The following UEVLD variants were observed in gnomAD, a reference collection of about 807,000 sequenced individuals.
UEVLD encodes UEV and lactate/malate dehyrogenase domains.
Under a neutral mutation model 58.6 loss-of-function variants are expected in UEVLD, and 47 were observed. The observed-to-expected ratio is 0.80, with a 90% CI of 0.63 to 1.02. UEVLD has a LOEUF of 1.02. UEVLD is among the 50% of genes least tolerant of loss of function. The pLI is 0.00. For missense variants in UEVLD, 510 were observed against 550.6 expected (o/e 0.93, Z 0.74); for synonymous variants, 197 against 195.3 (o/e 1.01, Z -0.07).
chr11:18,543,981 T>C (rs1235958479), intron 9 of UEVLD, among the ~76,000 whole-genome samples: 1 of 152,042 alleles, frequency 6.6e-6, no homozygotes, highest in Non-Finnish European at 1.5e-5. Context: ...GGTTGAAGGG[T>C]GGGAAGAGTA....
chr11:18,531,568 TA>T lies in UEVLD; in HGVS notation c.*751del, dbSNP rs530856525. 1.3e-5 allele frequency: 2 copies of T among 152,316 alleles called. No individual in the cohort carries two copies. The highest frequency in any genetic ancestry group is 4.1e-4 in the South Asian group (2 of 4,824). The allele number at this position is 152,316 out of a possible 1,614,324, so 9.4% of individuals were successfully genotyped here. On this transcript the variant is annotated 3_prime_UTR_variant, in exon 12 of 12. Transcript: ENST00000396197. ...AAGTAAGGTGCTTGGCTTTCATTCATAATCTATTTCCACTAAAAATATATAT... is the reference window on the plus strand; with the variant it reads ...AAGTAAGGTGCTTGGCTTTCATTCATATCTATTTCCACTAAAAATATATAT...
rs142895028 is a variant in UEVLD, at chr11:18,587,432, C to T, written c.42+1181G>A. On this transcript the variant is annotated intron_variant, in intron 1 of 11. Coordinates refer to ENST00000396197, the MANE Select transcript of UEVLD (RefSeq NM_001040697.4). Reference sequence around the variant, plus strand: ...ACCTCCCACGGGTATGTAAACTGCCCCAACAAAGAAAGAGGCAAGTATAAC... The same window carrying T: ...ACCTCCCACGGGTATGTAAACTGCCTCAACAAAGAAAGAGGCAAGTATAAC... Among the ~76,000 whole-genome samples, 207 of 152,226 alleles carry T rather than the reference C, an allele frequency of 1.4e-3. 1 individual carries two copies. The highest frequency in any genetic ancestry group is 4.5e-3 in the African/African-American group (188 of 41,512).
At chr11:18,541,951 C>T (rs1331455668) in intron 9 of UEVLD, among the ~76,000 whole-genome samples, 1 of 152,082 alleles carries the variant, frequency 6.6e-6, no homozygotes, top group Non-Finnish European at 1.5e-5. Context: ...CTCCCTAAAA[C>T]AAAATGTAAT....
chr11:18,570,484 G>T, intron 3 of UEVLD, 107 bp from the exon 4 acceptor site: 1 of 1,090,332 alleles, frequency 9.2e-7, no homozygotes, highest in Non-Finnish European at 1.2e-6. Context: ...GGTGGCTGAA[G>T]CCTGTAATCC....
intron 1 of UEVLD, among the ~76,000 whole-genome samples, chr11:18,585,445 G>A (rs909337186): frequency 1.3e-5 from 2 of 151,676 alleles, no homozygotes; most frequent in Non-Finnish European, 2.9e-5. Flanking sequence ...TTCTCCTTTC[G>A]CCATTTATCT....
rs1051939766 is a variant in UEVLD at position 18,583,411 on chromosome 11, G to T, written c.43-4603C>A. On this transcript the variant is annotated intron_variant, in intron 1 of 11. Coordinates refer to ENST00000396197, the MANE Select transcript of UEVLD (RefSeq NM_001040697.4). Reference sequence around the variant, plus strand: ...TTTTTGTGTTTTTAGTGGAGATGGGGTTTCATCGTGTTGGCCAGGCTGGTC... The same window carrying T: ...TTTTTGTGTTTTTAGTGGAGATGGGTTTTCATCGTGTTGGCCAGGCTGGTC... 4.0e-5 allele frequency among the ~76,000 whole-genome samples: 6 copies of T among 151,544 alleles called. No individual in the cohort carries two copies. The East Asian group carries it at 1.2e-3, about 29-fold the overall frequency.
intron 11 of UEVLD, among the ~76,000 whole-genome samples, chr11:18,533,093 A>G (rs1281620754): frequency 1.4e-5 from 2 of 139,990 alleles, no homozygotes; most frequent in African/African-American, 5.4e-5. Context: ...AGGTCTCTCT[A>G]TATTGCCCAA....
At chr11:18,542,168 A>G (rs1404254164) in intron 9 of UEVLD, among the ~76,000 whole-genome samples, 1 of 152,132 alleles carries the variant, frequency 6.6e-6, no homozygotes, top group African/African-American at 2.4e-5. Flanking sequence ...TAAACATTCT[A>G]TAAGTTTTGA....
At chr11:18,584,495 A>G (rs946627287) in intron 1 of UEVLD, among the ~76,000 whole-genome samples, 3 of 151,562 alleles carry the variant, frequency 2.0e-5, no homozygotes, top group Non-Finnish European at 4.4e-5. Context: ...TAATGGAAAT[A>G]ATCTACACAT....
At chr11:18,551,050 T>G (rs1349777431) in intron 7 of UEVLD, among the ~76,000 whole-genome samples, 3 of 152,192 alleles carry the variant, frequency 2.0e-5, no homozygotes, top group Non-Finnish European at 4.4e-5. Context: ...GTTGATGATT[T>G]AACAAGGGAA....
At chr11:18,588,029 T>C (rs1482873004) in intron 1 of UEVLD, among the ~76,000 whole-genome samples, 1 of 152,102 alleles carries the variant, frequency 6.6e-6, no homozygotes, top group Non-Finnish European at 1.5e-5. Flanking sequence ...TCTCTAAATC[T>C]ACTCAGGTCT....
At chr11:18,564,863 A>G in intron 6 of UEVLD, 29 bp downstream of exon 6, 1 of 1,500,088 alleles carries the variant, frequency 6.7e-7, no homozygotes, top group Non-Finnish European at 9.3e-7. Flanking sequence ...ACTATGATAG[A>G]TGTATTTATA....
chr11:18,573,725 A>G (rs1469558104), intron 3 of UEVLD, among the ~76,000 whole-genome samples: 1 of 152,184 alleles, frequency 6.6e-6, no homozygotes, highest in Non-Finnish European at 1.5e-5. Flanking sequence ...AAGCAGAACA[A>G]AACATGAGTG....
intron 11 of UEVLD, among the ~76,000 whole-genome samples, 159 bp from the exon 12 acceptor site, chr11:18,532,646 A>G (rs531982069): frequency 6.6e-6 from 1 of 152,252 alleles, no homozygotes; most frequent in Non-Finnish European, 1.5e-5. Flanking sequence ...TTAGAAGTCC[A>G]GACCTCACAA....
chr11:18,538,730 A>T (rs906373147), intron 9 of UEVLD, among the ~76,000 whole-genome samples: 6 of 151,914 alleles, frequency 3.9e-5, no homozygotes, highest in African/African-American at 7.2e-5. Flanking sequence ...TGCCATAGTT[A>T]AGTTGAAAAA....
intron 3 of UEVLD, among the ~76,000 whole-genome samples, chr11:18,572,254 A>G (rs1454146081): frequency 6.6e-6 from 1 of 152,192 alleles, no homozygotes; most frequent in East Asian, 1.9e-4. Context: ...AGTAAAAGAA[A>G]AAAAGATTAC....
chr11:18,548,526 C>G (rs1851389858), intron 7 of UEVLD, among the ~76,000 whole-genome samples: 1 of 152,200 alleles, frequency 6.6e-6, no homozygotes, highest in South Asian at 2.1e-4. Context: ...CTCCTGGGTT[C>G]AAGTGATTCT....
chr11:18,570,447 C>A, intron 3 of UEVLD, 70 bp from the exon 4 acceptor site: 1 of 1,379,238 alleles, frequency 7.3e-7, no homozygotes, highest in South Asian at 1.6e-5. Flanking sequence ...AGCTAGGCGG[C>A]ATTTTAAGAA....
At chr11:18,532,998 A>G (rs1850631282) in intron 11 of UEVLD, among the ~76,000 whole-genome samples, 2 of 151,806 alleles carry the variant, frequency 1.3e-5, no homozygotes, top group Admixed American at 1.3e-4. Context: ...AACATTTATC[A>G]TTTATTTGTG....
Sources: gnomAD v4.1 joint callset for allele counts (sites outside exome capture counted in the v4.1 genomes callset) on GRCh38, gnomAD v4.1.1 for gene constraint, MANE v1.5 for transcripts, NCBI Gene and HGNC (gene_info 2026-07-23, HGNC 2026-07-21) for gene names.